ELAVL2: variants seen among roughly 807,000 people sequenced by gnomAD.
ELAVL2 encodes the protein ELAV-like protein 2.
Under a neutral mutation model 34.6 loss-of-function variants are expected in ELAVL2, and 4 were observed. That is an observed-to-expected ratio of 0.12 (90% CI 0.06 to 0.26). The LOEUF is 0.26. Among genes scored for constraint, ELAVL2 ranks in the 10% least tolerant of loss-of-function variants. ELAVL2 has a pLI of 1.00. For missense variants in ELAVL2, 432 were observed against 442.8 expected, an observed-to-expected ratio of 0.98 and a Z score of 0.22; for synonymous variants, 193 against 154.8, an observed-to-expected ratio of 1.25 and a Z score of -1.83.
chr9:23,792,417 T>G (rs1390429745), intron 1 of ELAVL2, among the ~76,000 whole-genome samples: 1 of 152,118 alleles, frequency 6.6e-6, no homozygotes, highest in Non-Finnish European at 1.5e-5. Flanking sequence ...AACTGCTAAT[T>G]TACCTTCACT....
chr9:23,741,666 C>T (rs1416713124), intron 2 of ELAVL2, among the ~76,000 whole-genome samples: 1 of 152,066 alleles, frequency 6.6e-6, no homozygotes, highest in Non-Finnish European at 1.5e-5. Context: ...ATAATTAGTC[C>T]ACCACCACTG....
chr9:23,844,441 C>G, the ELAVL2 span, among the ~76,000 whole-genome samples: 3 of 152,100 alleles, frequency 2.0e-5, no homozygotes, highest in East Asian at 5.8e-4. Context: ...AATATCATCT[C>G]TGCAACAATA....
At chr9:23,786,494 A>G (rs2059695886) in intron 1 of ELAVL2, among the ~76,000 whole-genome samples, 1 of 151,780 alleles carries the variant, frequency 6.6e-6, no homozygotes, top group African/African-American at 2.4e-5. Context: ...TGAGGGCGAG[A>G]GTCTCTTTCA....
chr9:23,697,311 C>T (rs1331136911), intron 5 of ELAVL2, among the ~76,000 whole-genome samples: 17 of 152,164 alleles, frequency 1.1e-4, no homozygotes, highest in Admixed American at 1.1e-3. Context: ...GTACAAGCTA[C>T]ATTATAAGGT....
the ELAVL2 span, among the ~76,000 whole-genome samples, chr9:23,839,094 C>G: frequency 6.6e-6 from 1 of 151,894 alleles, no homozygotes; most frequent in African/African-American, 2.4e-5. Flanking sequence ...CAAGAGCTAT[C>G]TAACAAGTAT....
chr9:23,748,101 A>G (rs547828042), intron 2 of ELAVL2, among the ~76,000 whole-genome samples: 1 of 151,340 alleles, frequency 6.6e-6, no homozygotes, highest in African/African-American at 2.4e-5. Flanking sequence ...GTCTAAAAAA[A>G]AGAAATGGCT....
At chr9:23,803,535 T>A (rs748101206) in intron 1 of ELAVL2, among the ~76,000 whole-genome samples, 1 of 152,192 alleles carries the variant, frequency 6.6e-6, no homozygotes, top group South Asian at 2.1e-4. Context: ...TTTAGCCACA[T>A]CAGCCCATGT....
At chr9:23,699,001 T>G (rs146232552) in intron 5 of ELAVL2, among the ~76,000 whole-genome samples, 1 of 152,340 alleles carries the variant, frequency 6.6e-6, no homozygotes, top group African/African-American at 2.4e-5. Context: ...TTTCTCCCAT[T>G]TTCTGAAACC....
At chr9:23,720,899 G>GT (rs2043523934) in intron 3 of ELAVL2, among the ~76,000 whole-genome samples, 1 of 152,134 alleles carries the variant, frequency 6.6e-6, no homozygotes. Context: ...ATCAGATTCA[G>GT]TAAGTCCTGG....
At chr9:23,758,320 G>A (rs1228856299) in intron 2 of ELAVL2, among the ~76,000 whole-genome samples, 1 of 151,888 alleles carries the variant, frequency 6.6e-6, no homozygotes, top group African/African-American at 2.4e-5. Flanking sequence ...CAACCACTCA[G>A]AACCCAGATT....
chr9:23,735,618 A>T (rs1281446873), intron 2 of ELAVL2: 2 of 152,042 alleles, frequency 1.3e-5, no homozygotes, highest in African/African-American at 2.4e-5. Context: ...GGATTCTAGA[A>T]CTTTTGCTAT....
intron 1 of ELAVL2, among the ~76,000 whole-genome samples, chr9:23,779,843 G>A (rs987687639): frequency 2.0e-5 from 3 of 151,726 alleles, no homozygotes; most frequent in African/African-American, 7.3e-5. Flanking sequence ...AAAAGCTGGA[G>A]CAATTCCAAA....
intron 2 of ELAVL2, among the ~76,000 whole-genome samples, chr9:23,744,114 T>C (rs2049935346): frequency 6.6e-6 from 1 of 152,220 alleles, no homozygotes; most frequent in Non-Finnish European, 1.5e-5. Context: ...ACTAGCCTTA[T>C]GAATTTGAGA....
intron 2 of ELAVL2, among the ~76,000 whole-genome samples, chr9:23,732,233 G>A (rs893704429): frequency 6.6e-6 from 1 of 152,130 alleles, no homozygotes; most frequent in Non-Finnish European, 1.5e-5. Flanking sequence ...AGGTGCAAGT[G>A]GTTATCAATG....
chr9:23,818,568 A>T (rs1477589618), intron 1 of ELAVL2, among the ~76,000 whole-genome samples: 1 of 152,206 alleles, frequency 6.6e-6, no homozygotes, highest in Non-Finnish European at 1.5e-5. Flanking sequence ...AGCTGGGGGT[A>T]GACTGAGATG....
intron 1 of ELAVL2, among the ~76,000 whole-genome samples, chr9:23,799,143 T>C (rs1185639130): frequency 1.3e-5 from 2 of 152,134 alleles, no homozygotes; most frequent in Admixed American, 1.3e-4. Context: ...TCTAATGCAA[T>C]CTCACAGAAG....
Position 23,762,147 on chromosome 9 carries a change from C to G in ELAVL2, c.88G>C (p.Asp30His). 6.2e-7 allele frequency: 1 copy of G among 1,613,604 alleles called. No homozygotes were observed. The highest frequency in any genetic ancestry group is 8.5e-7 in the Non-Finnish European group (1 of 1,179,636). The change falls in exon 2 of 7, where the codon GAC becomes CAC. Residue 30 changes from aspartate to histidine, a missense_variant. Transcript: ENST00000397312. ...TTGCTGTCTTCTGTGTTCCCAGAGT[C>G]AACTGGTGACGAACAGTTGTTGTTT... ...TINNNCSSPV[D>H]SGNTEDSKTN...
rs142761114 is a variant in ELAVL2 at position 23,692,779 on chromosome 9, G to A, written c.858C>T (p.Asp286=). 74 of 1,614,144 alleles carry A rather than the reference G, an allele frequency of 4.6e-5. No homozygotes were observed. The highest frequency in any genetic ancestry group is 1.1e-4 in the African/African-American group (8 of 75,042). Reference sequence around the variant, plus strand: ...TTTGCCACAGGATACTCTCATCTGCGTCAGGAGCCAGGTTGTACACAAATA... The same window carrying A: ...TTTGCCACAGGATACTCTCATCTGCATCAGGAGCCAGGTTGTACACAAATA... ...WCIFVYNLAP[D]ADESILWQMF... is the part of the protein sequence containing the mutation. The change falls in exon 7 of 7, where the codon GAC becomes GAT. Residue 286 remains aspartate (D), a synonymous_variant. Transcript: ENST00000397312.
At chr9:23,730,853 T>C (rs1007280115) in intron 3 of ELAVL2, among the ~76,000 whole-genome samples, 169 bp downstream of exon 3, 1 of 152,122 alleles carries the variant, frequency 6.6e-6, no homozygotes, top group African/African-American at 2.4e-5. Flanking sequence ...TACATAGCAC[T>C]CTTGAACAAA....
Sources: allele counts gnomAD v4.1 joint callset (sites outside exome capture counted in the v4.1 genomes callset), GRCh38; gene constraint gnomAD v4.1.1; transcripts MANE v1.5; gene names NCBI Gene and HGNC (gene_info 2026-07-23, HGNC 2026-07-21).